The following VPS33B variants were observed in gnomAD, a reference collection of about 807,000 sequenced individuals.
The protein encoded by VPS33B is vacuolar protein sorting-associated protein 33B.
In VPS33B, 80 loss-of-function variants were observed where a neutral mutation model predicts 95.3. The observed-to-expected ratio is 0.84, with a 90% CI of 0.70 to 1.01. The LOEUF (loss-of-function observed/expected upper bound fraction) is 1.01, where lower values mean the gene tolerates loss of function less well. Among genes scored for constraint, VPS33B ranks in the 50% least tolerant of loss-of-function variants. The pLI is 0.00. For missense variants in VPS33B, 715 were observed against 773.4 expected (o/e 0.92, Z 0.90); for synonymous variants, 280 against 280.4 (o/e 1.00, Z 0.01).
intron 16 of VPS33B, among the ~76,000 whole-genome samples, chr15:91,003,885 C>A (rs2040517534): frequency 6.6e-6 from 1 of 152,182 alleles, no homozygotes; most frequent in African/African-American, 2.4e-5. Flanking sequence ...GGGATTCTAA[C>A]TGCAGTAAAT....
chr15:91,006,528 A>T lies in VPS33B; in HGVS notation c.779-83T>A. 1.2e-6 allele frequency: 2 copies of T among 1,609,918 alleles called. No individual in the cohort carries two copies. Among genetic ancestry groups the T allele is most frequent in the Non-Finnish European group, 1.7e-6 (2 of 1,176,202 alleles). ...CCTGAACTGCCATAAAGGTCCTCAA[A>T]CTATTTGGAAGCCAGCAGTTCATTC... On this transcript the variant is annotated intron_variant, in intron 10 of 22. Coordinates refer to ENST00000333371, the MANE Select transcript of VPS33B (RefSeq NM_018668.5). This position sits in a 1 kb window ranked among gnomAD's most constrained non-coding sequence, Gnocchi z 5.4.
In VPS33B at chr15:91,021,980, G is replaced by A. The variant is rs532298811; in HGVS notation, c.96+174C>T. ...GGGGGTGATTTCCATTAACTCTCTG[G>A]CCAGGTTCCAAACAGCTCTTACTAC... On this transcript the variant is annotated intron_variant, in intron 1 of 22. Transcript: ENST00000333371. 5.9e-5 allele frequency among the ~76,000 whole-genome samples: 9 copies of A among 152,240 alleles called. No homozygotes were observed. The South Asian group carries it at 1.7e-3, about 28-fold the overall frequency.
chr15:91,006,064 G>A lies in VPS33B; in HGVS notation c.853-5C>T, dbSNP rs756111114. 5.0e-6 allele frequency: 8 copies of A among 1,614,014 alleles called. No individual in the cohort carries two copies. The highest frequency in any genetic ancestry group is 3.3e-5 in the Admixed American group (2 of 60,000). On this transcript the variant is annotated splice_region_variant and splice_polypyrimidine_tract_variant and intron_variant, in intron 11 of 22. Transcript: ENST00000333371. The surrounding 1 kb of genome is among the most constrained non-coding windows in gnomAD (Gnocchi z 5.4). ...GTTCCGAATCTCATTAAACACCTGT[G>A]AGGACAGTAAGACAAGAACAGCTTA...
At chr15:91,012,833 G>C (rs960325160) in intron 5 of VPS33B, among the ~76,000 whole-genome samples, 20 of 152,238 alleles carry the variant, frequency 1.3e-4, no homozygotes, top group African/African-American at 4.1e-4. Flanking sequence ...TTGAGTTAAA[G>C]ATGGAAGAGC....
In VPS33B at chr15:91,007,794, T is replaced by A; in HGVS notation, c.498+76A>T. 1 of 1,383,154 alleles carries A rather than the reference T, an allele frequency of 7.2e-7. No individual in the cohort carries two copies. The highest frequency in any genetic ancestry group is 1.0e-6 in the Non-Finnish European group (1 of 971,168). 85.7% of individuals were successfully genotyped at this position (1,383,154 alleles called of 1,614,324 possible). ...TTACTTGCGTTGGACAAAGGTTATA[T>A]TGGTATTTCTAGCCCTCTGCATCCC... On this transcript the variant is annotated intron_variant, in intron 7 of 22. Transcript: ENST00000333371. The surrounding 1 kb of genome is among the most constrained non-coding windows in gnomAD (Gnocchi z 5.3).
At position 91,006,295 on chromosome 15, in the gene VPS33B, T is replaced by C; in HGVS notation, c.852+77A>G. On this transcript the variant is annotated intron_variant, in intron 11 of 22. Coordinates refer to ENST00000333371, the MANE Select transcript of VPS33B (RefSeq NM_018668.5). This position sits in a 1 kb window ranked among gnomAD's most constrained non-coding sequence, Gnocchi z 5.4. ...CCTCTCAGAGCTGGGGCCCACAGCC[T>C]GGTATAAGCAGGGGGCCCACAGCCT... 1 of 980,700 alleles carries C rather than the reference T, an allele frequency of 1.0e-6. No individual in the cohort carries two copies. Among genetic ancestry groups the C allele is most frequent in the Non-Finnish European group, 1.3e-6 (1 of 782,508 alleles). 60.7% of individuals were successfully genotyped at this position (980,700 alleles called of 1,614,324 possible). A position where few individuals can be genotyped will look rare whatever the true frequency, so the allele number is the denominator to read the frequency against.
In VPS33B at chr15:91,006,424, T is replaced by A. The variant is rs1236063226; in HGVS notation, c.800A>T (p.Glu267Val). 1 of 1,614,212 alleles carries A rather than the reference T, an allele frequency of 6.2e-7. No individual in the cohort carries two copies. Among genetic ancestry groups the A allele is most frequent in the Admixed American group, 1.7e-5 (1 of 60,030 alleles). ...IKCGSVDFGPEVTSSDKSLKV... is the reference protein window; with the variant it reads ...IKCGSVDFGPVVTSSDKSLKV... ...CAGGCTCTTGTCAGAGGATGTGACT[T>A]CTGGGCCAAAGTCGACACTCCCTTT... The change falls in exon 11 of 23, where the codon GAA (glutamate) becomes GTA (valine). Residue 267 changes from glutamate (E) to valine (V), a missense_variant. Coordinates refer to ENST00000333371, the MANE Select transcript of VPS33B (RefSeq NM_018668.5). The surrounding 1 kb of genome is among the most constrained non-coding windows in gnomAD (Gnocchi z 5.4).
intron 4 of VPS33B, 113 bp downstream of exon 4, chr15:91,014,271 G>A (rs1596366507): frequency 1.2e-6 from 1 of 834,896 alleles, no homozygotes; most frequent in Non-Finnish European, 2.0e-6. Context: ...TCCTCCACAA[G>A]TGCTACGGCC....
At chr15:91,004,772 T>G in intron 16 of VPS33B, 105 bp downstream of exon 16, 1 of 1,306,596 alleles carries the variant, frequency 7.7e-7, no homozygotes, top group Non-Finnish European at 1.1e-6. Context: ...CAGGGAAACA[T>G]TCTGTTTGCT....
rs1407311398 is a variant in VPS33B, at chr15:90,999,599, A to G, written c.1774+78T>C. ...CTCCCAAAGTGCTGAGATTACAGGT[A>G]TGAACCACCGTGCCCAGCTGACACT... On this transcript the variant is annotated intron_variant, in intron 22 of 22. Transcript: ENST00000333371. This position sits in a 1 kb window ranked among gnomAD's most constrained non-coding sequence, Gnocchi z 5.1. The G allele has an allele frequency of 6.8e-7, 1 of 1,479,536 alleles. No individual in the cohort carries two copies. The highest frequency in any genetic ancestry group is 9.4e-7 in the Non-Finnish European group (1 of 1,062,006). The allele number at this position is 1,479,536 out of a possible 1,614,324, so 91.7% of individuals were successfully genotyped here. A position where few individuals can be genotyped will look rare whatever the true frequency, so the allele number is the denominator to read the frequency against.
In VPS33B at chr15:91,013,711, G is replaced by T; in HGVS notation, c.357+93C>A. ...TCTGTTACAGCAACAGAAAACGAAC[G>T]GAGACAGGGAGGTAGTGCTGTTGGC... On this transcript the variant is annotated intron_variant, in intron 5 of 22. Coordinates refer to ENST00000333371, the MANE Select transcript of VPS33B (RefSeq NM_018668.5). This position sits in a 1 kb window ranked among gnomAD's most constrained non-coding sequence, Gnocchi z 4.5. 7.5e-7 allele frequency: 1 copy of T among 1,328,230 alleles called. No homozygotes were observed. Among genetic ancestry groups the T allele is most frequent in the Non-Finnish European group, 1.1e-6 (1 of 922,648 alleles). 82.3% of individuals were successfully genotyped at this position (1,328,230 alleles called of 1,614,324 possible).
Position 90,999,487 on chromosome 15 carries a change from T to C in VPS33B, c.1774+190A>G. On this transcript the variant is annotated intron_variant, in intron 22 of 22. Coordinates refer to ENST00000333371, the MANE Select transcript of VPS33B (RefSeq NM_018668.5). This position sits in a 1 kb window ranked among gnomAD's most constrained non-coding sequence, Gnocchi z 5.1. Reference sequence around the variant, plus strand: ...GCACCGGCCACCATGCCTGGCTAATTTTTGTATTTTTCGTAGAGATGGGGT... The same window carrying C: ...GCACCGGCCACCATGCCTGGCTAATCTTTGTATTTTTCGTAGAGATGGGGT... 2 of 688,936 alleles carry C rather than the reference T, an allele frequency of 2.9e-6. No individual in the cohort carries two copies. Among genetic ancestry groups the C allele is most frequent in the Non-Finnish European group, 5.2e-6 (2 of 382,116 alleles). The allele number at this position is 688,936 out of a possible 1,614,324, so 42.7% of individuals were successfully genotyped here. A position where few individuals can be genotyped will look rare whatever the true frequency, so the allele number is the denominator to read the frequency against.
rs111545366 is a variant in VPS33B, at chr15:90,999,509, G to C, written c.1774+168C>G. Reference sequence around the variant, plus strand: ...AATTTTTGTATTTTTCGTAGAGATGGGGTTTCACCATGTTGGTCAGGCTAG... The same window carrying C: ...AATTTTTGTATTTTTCGTAGAGATGCGGTTTCACCATGTTGGTCAGGCTAG... On this transcript the variant is annotated intron_variant, in intron 22 of 22. Coordinates refer to ENST00000333371, the MANE Select transcript of VPS33B (RefSeq NM_018668.5). The surrounding 1 kb of genome is among the most constrained non-coding windows in gnomAD (Gnocchi z 5.1). 6.6e-3 allele frequency: 4,970 copies of C among 757,332 alleles called. 188 individuals are homozygous for C. In the African/African-American group the frequency reaches 0.076, roughly 12 times the overall value. 46.9% of individuals were successfully genotyped at this position (757,332 alleles called of 1,614,324 possible). A position where few individuals can be genotyped will look rare whatever the true frequency, so the allele number is the denominator to read the frequency against.
At position 91,009,790 on chromosome 15, in the gene VPS33B, TCTC is replaced by T. The variant is rs1399240366; in HGVS notation, c.403+8_403+10del. ...CTCTTTCCCTTTCCACTCACATTCA[TCTC>T]CTCTCACCTCCATAGATTCCCTCTT... On this transcript the variant is annotated splice_region_variant and intron_variant, in intron 6 of 22. Transcript: ENST00000333371. The surrounding 1 kb of genome is among the most constrained non-coding windows in gnomAD (Gnocchi z 4.1). 13 of 1,614,124 alleles carry T rather than the reference TCTC, an allele frequency of 8.1e-6. No individual in the cohort carries two copies. Among genetic ancestry groups the T allele is most frequent in the Non-Finnish European group, 1.1e-5 (13 of 1,179,990 alleles).
chr15:91,004,495 C>G (rs536250585), intron 16 of VPS33B, among the ~76,000 whole-genome samples: 5 of 152,214 alleles, frequency 3.3e-5, no homozygotes, highest in African/African-American at 1.2e-4. Context: ...CAGAGCGAGA[C>G]TCTTGTCTCA....
chr15:91,001,459 T>G lies in VPS33B; in HGVS notation c.1409A>C (p.Lys470Thr). Residue 470 changes from lysine to threonine, a missense_variant, in exon 19 of 23, where the codon AAG becomes ACG. Transcript: ENST00000333371. The stretch of plus-strand genomic sequence containing the variant: ...CAGAGAACTGAAGGCATCAGTAATC[T>G]TTCCTGGGGAAGAAATCTGTGTCAG... ...SKLVTDKAAG[K>T]ITDAFSSLAK... is the part of the protein sequence containing the mutation. The G allele has an allele frequency of 6.2e-7, 1 of 1,614,048 alleles. No homozygotes were observed. Among genetic ancestry groups the G allele is most frequent in the Non-Finnish European group, 8.5e-7 (1 of 1,179,914 alleles).
In VPS33B at chr15:91,015,352, A is replaced by AT. The variant is rs2040896043; in HGVS notation, c.240-920_240-919insA. ...ACTCCGTCTCAAAAAAAATAAAATA[A>AT]AATAAAATAATAATAAATAATAATA... On this transcript the variant is annotated intron_variant, in intron 3 of 22. Transcript: ENST00000333371. This position sits in a 1 kb window ranked among gnomAD's most constrained non-coding sequence, Gnocchi z 4.7. 6.6e-6 allele frequency among the ~76,000 whole-genome samples: 1 copy of AT among 151,458 alleles called. No individual in the cohort carries two copies. Among genetic ancestry groups the AT allele is most frequent in the African/African-American group, 2.4e-5 (1 of 41,300 alleles).
Position 90,999,676 on chromosome 15 carries a change from C to T in VPS33B, c.1774+1G>A. The T allele has an allele frequency of 6.2e-7, 1 of 1,614,074 alleles. No homozygotes were observed. The highest frequency in any genetic ancestry group is 8.5e-7 in the Non-Finnish European group (1 of 1,179,966). Reference sequence around the variant, plus strand: ...ATTCTCACCTTTCTGCTCTCTCTTACCTTTCTCTCTGCCCAGGAACCGGAG... The same window carrying T: ...ATTCTCACCTTTCTGCTCTCTCTTATCTTTCTCTCTGCCCAGGAACCGGAG... On this transcript the variant is annotated splice_donor_variant, in intron 22 of 22. Transcript: ENST00000333371. LOFTEE classifies it high-confidence loss of function. The surrounding 1 kb of genome is among the most constrained non-coding windows in gnomAD (Gnocchi z 5.1).
Position 91,007,588 on chromosome 15 carries a change from C to T in VPS33B, c.499-15G>A, listed in dbSNP as rs192781432. 6.3e-6 allele frequency: 10 copies of T among 1,597,272 alleles called. No homozygotes were observed. The highest frequency in any genetic ancestry group is 5.3e-5 in the African/African-American group (4 of 74,912). ...TGATCTCCTTCCTGCAGGGACCACA[C>T]AAGCCACAAAGATATGAATCAACCC... On this transcript the variant is annotated splice_polypyrimidine_tract_variant and intron_variant, in intron 7 of 22. Coordinates refer to ENST00000333371, the MANE Select transcript of VPS33B (RefSeq NM_018668.5). This position sits in a 1 kb window ranked among gnomAD's most constrained non-coding sequence, Gnocchi z 5.3.
Sources: gnomAD v4.1 joint callset for allele counts (sites outside exome capture counted in the v4.1 genomes callset) on GRCh38, gnomAD v4.1.1 for gene constraint, Gnocchi (gnomAD v3.1) non-coding constraint, MANE v1.5 for transcripts, NCBI Gene and HGNC (gene_info 2026-07-23, HGNC 2026-07-21) for gene names.